RBFOX1: variants seen among roughly 807,000 people sequenced by gnomAD.
RBFOX1 encodes RNA binding protein fox-1 homolog 1.
RBFOX1 carries 8 observed loss-of-function variants against 57.7 expected under a neutral mutation model. The ratio of observed to expected loss-of-function variants is 0.14; its 90% CI spans 0.08 to 0.25. The LOEUF is 0.25. RBFOX1 is among the 10% of genes least tolerant of loss of function. The probability of loss-of-function intolerance (pLI) is 1.00; values close to 1 mark genes in which losing one functional copy is unlikely to be tolerated. For missense variants in RBFOX1, 611 were observed against 548.5 expected (o/e 1.11, Z -1.14); for synonymous variants, 326 against 222.4 (o/e 1.47, Z -4.15).
chr16:5,744,531 C>G (rs1231567385), intron 3 of RBFOX1, among the ~76,000 whole-genome samples: 2 of 152,142 alleles, frequency 1.3e-5, no homozygotes, highest in African/African-American at 4.8e-5. Context: ...CCTTCAGTGG[C>G]TTTGCACTGA....
At chr16:7,388,801 A>C (rs1300787205) in intron 4 of RBFOX1, among the ~76,000 whole-genome samples, 1 of 152,094 alleles carries the variant, frequency 6.6e-6, no homozygotes, top group African/African-American at 2.4e-5. Flanking sequence ...GTAGGCTAAT[A>C]TAAGTGTTTT....
intron 4 of RBFOX1, among the ~76,000 whole-genome samples, chr16:7,122,847 C>T (rs969348718): frequency 6.6e-6 from 1 of 152,088 alleles, no homozygotes; most frequent in Non-Finnish European, 1.5e-5. Flanking sequence ...TACATGTACA[C>T]GTGGAATACT....
At chr16:6,835,332 G>A (rs911295175) in intron 3 of RBFOX1, among the ~76,000 whole-genome samples, 4 of 152,128 alleles carry the variant, frequency 2.6e-5, no homozygotes, top group Non-Finnish European at 5.9e-5. Flanking sequence ...CCTCATATAG[G>A]CATAGACTCC....
chr16:5,430,121 C>G lies in RBFOX1; in HGVS notation c.220-37095C>G, dbSNP rs183044737. On this transcript the variant is annotated intron_variant, in intron 1 of 2. Transcript: ENST00000585867. ...TGACAAATTCTCCACTGACCATCAG[C>G]TGGGGGGATACAGGGAGAAGGGAAG... Among the ~76,000 whole-genome samples, 3 of 152,272 alleles carry G rather than the reference C, an allele frequency of 2.0e-5. No homozygotes were observed. In the East Asian group the frequency reaches 5.8e-4, roughly 30 times the overall value.
At chr16:5,259,085 T>C (rs939932512) in intron 1 of RBFOX1, among the ~76,000 whole-genome samples, 1 of 152,136 alleles carries the variant, frequency 6.6e-6, no homozygotes, top group Non-Finnish European at 1.5e-5. Flanking sequence ...CCCATTGTCA[T>C]GAATGAATCC....
chr16:7,266,401 G>A (rs908093130), intron 4 of RBFOX1, among the ~76,000 whole-genome samples: 23 of 152,318 alleles, frequency 1.5e-4, no homozygotes, highest in African/African-American at 5.5e-4. Context: ...GTCCCCTGAG[G>A]CTTCGCTGGA....
chr16:5,605,760 C>T (rs1178095055), intron 3 of RBFOX1, among the ~76,000 whole-genome samples: 2 of 151,778 alleles, frequency 1.3e-5, no homozygotes, highest in African/African-American at 2.4e-5. Context: ...GCCTTGGGTA[C>T]AGGAATGGAG....
At chr16:5,548,169 AAAAAAATATATAT>A (rs1199366919) in intron 2 of RBFOX1, among the ~76,000 whole-genome samples, 638 of 43,100 alleles carry the variant, frequency 0.015, 33 homozygotes, top group East Asian at 0.071. Context: ...AAAAAAAAAA[AAAAAAATATATAT>A]ATATATATAT....
At chr16:6,834,619 T>C (rs927357372) in intron 3 of RBFOX1, among the ~76,000 whole-genome samples, 3 of 152,156 alleles carry the variant, frequency 2.0e-5, no homozygotes, top group Non-Finnish European at 4.4e-5. Flanking sequence ...TTGGGATGAC[T>C]AAGCAAGGGT....
intron 3 of RBFOX1, among the ~76,000 whole-genome samples, chr16:6,788,697 T>G (rs565348269): frequency 8.6e-5 from 13 of 151,924 alleles, no homozygotes; most frequent in African/African-American, 2.7e-4. Flanking sequence ...GGATGGTCTC[T>G]ATCTCCTGAT....
intron 3 of RBFOX1, among the ~76,000 whole-genome samples, chr16:6,900,294 C>T (rs2068129137): frequency 6.6e-6 from 1 of 152,144 alleles, no homozygotes; most frequent in African/African-American, 2.4e-5. Context: ...GTAGTTCATC[C>T]ACGAATATCC....
intron 1 of RBFOX1, among the ~76,000 whole-genome samples, chr16:5,404,960 A>G (rs2066821750): frequency 6.6e-6 from 1 of 152,244 alleles, no homozygotes. Flanking sequence ...CATCATAGGA[A>G]GTACTTCTCT....
chr16:6,915,290 C>A (rs909440095), intron 3 of RBFOX1, among the ~76,000 whole-genome samples: 3 of 152,100 alleles, frequency 2.0e-5, no homozygotes, highest in Non-Finnish European at 2.9e-5. Context: ...GGGATTGTTT[C>A]CATTCTCTGT....
intron 1 of RBFOX1, among the ~76,000 whole-genome samples, chr16:6,195,709 A>G (rs73532071): frequency 1.5e-3 from 234 of 152,124 alleles, no homozygotes; most frequent in African/African-American, 4.0e-3. Flanking sequence ...ACAAGGGAGA[A>G]ACTCTGTCTT....
chr16:6,166,753 C>A (rs1377811634), intron 1 of RBFOX1, among the ~76,000 whole-genome samples: 1 of 152,102 alleles, frequency 6.6e-6, no homozygotes, highest in South Asian at 2.1e-4. Context: ...CAGTCATGTG[C>A]CCAGCCCCGT....
intron 4 of RBFOX1, among the ~76,000 whole-genome samples, chr16:7,359,894 G>T (rs1035606137): frequency 2.6e-5 from 4 of 151,834 alleles, no homozygotes; most frequent in African/African-American, 7.2e-5. Flanking sequence ...TGAGGCAGGG[G>T]AATGGTGTGA....
At chr16:6,761,827 C>T (rs62017644) in intron 3 of RBFOX1, among the ~76,000 whole-genome samples, 15,373 of 151,870 alleles carry the variant, frequency 0.1, 886 homozygotes, top group African/African-American at 0.15. Context: ...GTTGCTACTA[C>T]GCCATCCAGA....
intron 2 of RBFOX1, among the ~76,000 whole-genome samples, chr16:6,532,588 C>G (rs2096673980): frequency 6.6e-6 from 1 of 152,136 alleles, no homozygotes; most frequent in African/African-American, 2.4e-5. Context: ...GAGATCATTC[C>G]TGCAGAGCGG....
chr16:6,089,759 T>G (rs1008434677), intron 1 of RBFOX1, among the ~76,000 whole-genome samples: 1 of 152,116 alleles, frequency 6.6e-6, no homozygotes, highest in African/African-American at 2.4e-5. Flanking sequence ...TGGCCAATAT[T>G]AGAGGTGGGT....
Sources: gnomAD v4.1 joint callset for allele counts (sites outside exome capture counted in the v4.1 genomes callset) on GRCh38, gnomAD v4.1.1 for gene constraint, MANE v1.5 for transcripts, NCBI Gene and HGNC (gene_info 2026-07-23, HGNC 2026-07-21) for gene names.